The following PAK6 variants were observed in gnomAD, a reference collection of about 807,000 sequenced individuals.
PAK6 encodes p21 (RAC1) activated kinase 6.
Under a neutral mutation model 60.8 loss-of-function variants are expected in PAK6, and 33 were observed. That is an observed-to-expected ratio of 0.54 (90% CI 0.41 to 0.73). The LOEUF is 0.73. PAK6 is among the 30% of genes least tolerant of loss of function. The probability of loss-of-function intolerance (pLI) is 0.00; values close to 1 mark genes in which losing one functional copy is unlikely to be tolerated. For missense variants in PAK6, 845 were observed against 904.1 expected, an observed-to-expected ratio of 0.93 and a Z score of 0.84; for synonymous variants, 404 against 378.5, an observed-to-expected ratio of 1.07 and a Z score of -0.78.
chr15:40,249,122 A>G (rs2038585963), intron 2 of PAK6, among the ~76,000 whole-genome samples: 1 of 152,166 alleles, frequency 6.6e-6, no homozygotes. Flanking sequence ...TCTTTTTGCT[A>G]TAACCTCACA....
intron 5 of PAK6, chr15:40,266,901 C>T (rs181956338): frequency 2.3e-3 from 405 of 175,634 alleles, no homozygotes; most frequent in Non-Finnish European, 2.6e-3. Context: ...CAGAGTGGAG[C>T]GCACCTTTTT....
At chr15:40,241,940 G>A (rs2038362524) in intron 2 of PAK6, among the ~76,000 whole-genome samples, 2 of 152,252 alleles carry the variant, frequency 1.3e-5, no homozygotes, top group Admixed American at 1.3e-4. Context: ...TGACCCAGCT[G>A]TGGGGGTATC....
intron 3 of PAK6, among the ~76,000 whole-genome samples, chr15:40,257,767 T>TC (rs1380215201): frequency 6.6e-6 from 1 of 152,020 alleles, no homozygotes; most frequent in Admixed American, 6.5e-5. Context: ...CATGGATGTC[T>TC]CCTCTCCAGG....
chr15:40,271,083 G>A (rs1182240865), intron 5 of PAK6, among the ~76,000 whole-genome samples: 2 of 152,178 alleles, frequency 1.3e-5, no homozygotes, highest in Non-Finnish European at 2.9e-5. Flanking sequence ...TAAGACAATG[G>A]CTTACATGAT....
At chr15:40,273,239 TG>T in intron 7 of PAK6, 106 bp from the exon 8 acceptor site, 1 of 1,363,142 alleles carries the variant, frequency 7.3e-7, no homozygotes, top group Non-Finnish European at 1.0e-6. Flanking sequence ...ACAGATTGCC[TG>T]GGAGCTGTGG....
At chr15:40,277,462 T>G (rs1023781042) in exon 11 of PAK6, 5 of 152,502 alleles carry the variant, frequency 3.3e-5, no homozygotes, top group African/African-American at 1.2e-4. Context: ...GTGCCTGTTT[T>G]AAATTAAATT....
At chr15:40,248,132 C>T (rs972059572) in intron 2 of PAK6, among the ~76,000 whole-genome samples, 49 of 152,312 alleles carry the variant, frequency 3.2e-4, no homozygotes, top group African/African-American at 7.2e-4. Context: ...GGCTCCCGTC[C>T]GCAGGACTCC....
intron 2 of PAK6, among the ~76,000 whole-genome samples, chr15:40,247,783 C>T (rs16970462): frequency 0.02 from 3,041 of 152,202 alleles, 95 homozygotes; most frequent in African/African-American, 0.064. Flanking sequence ...TTCCGGAACC[C>T]GGGGTGAACA....
At chr15:40,252,160 G>T in intron 2 of PAK6, 2 of 682,638 alleles carry the variant, frequency 2.9e-6, no homozygotes, top group Non-Finnish European at 4.1e-6. Context: ...TCCGACTCCC[G>T]CGTGGGCTCT....
At chr15:40,255,038 GA>G (rs2038797548) in intron 3 of PAK6, among the ~76,000 whole-genome samples, 1 of 152,122 alleles carries the variant, frequency 6.6e-6, no homozygotes, top group South Asian at 2.1e-4. Context: ...AAGAGCTGTA[GA>G]AAAAAAGGCA....
At chr15:40,273,097 G>C in intron 7 of PAK6, 98 bp downstream of exon 7, 1 of 1,485,072 alleles carries the variant, frequency 6.7e-7, no homozygotes, top group East Asian at 2.3e-5. Context: ...GAAGACTTGG[G>C]ATGCCTGGGC....
chr15:40,248,444 C>T (rs1331104540), intron 2 of PAK6, among the ~76,000 whole-genome samples: 1 of 152,206 alleles, frequency 6.6e-6, no homozygotes, highest in Non-Finnish European at 1.5e-5. Context: ...CCCAGCTCCA[C>T]AGGGCTCCTC....
At chr15:40,257,721 A>G (rs2038876106) in intron 3 of PAK6, among the ~76,000 whole-genome samples, 2 of 152,068 alleles carry the variant, frequency 1.3e-5, no homozygotes. Flanking sequence ...TGGGGCCCTG[A>G]TGGCTCTGGT....
chr15:40,242,012 CA>C (rs944094785), intron 2 of PAK6, among the ~76,000 whole-genome samples: 1 of 149,818 alleles, frequency 6.7e-6, no homozygotes. Flanking sequence ...CAGAGCTGAG[CA>C]GGGGCTGCTG....
chr15:40,275,912 G>A lies in PAK6; in HGVS notation c.1879-15G>A. The A allele has an allele frequency of 6.2e-7, 1 of 1,601,536 alleles. No homozygotes were observed. The highest frequency in any genetic ancestry group is 8.5e-7 in the Non-Finnish European group (1 of 1,172,544). ...CTGCAAATTGTGGCTTCATCTTACT[G>A]CCCTGCCTCTACAGGTCTCCCCAGT... On this transcript the variant is annotated splice_polypyrimidine_tract_variant and intron_variant, in intron 10 of 10. Transcript: ENST00000560346.
In PAK6 at chr15:40,240,562, CTTTTT is replaced by C. The variant is rs10624794; in HGVS notation, c.-200-20_-200-16del. 187 of 321,524 alleles carry C rather than the reference CTTTTT, an allele frequency of 5.8e-4. 1 individual carries two copies. The highest frequency in any genetic ancestry group is 1.8e-3 in the Admixed American group (40 of 22,372). 19.9% of individuals were successfully genotyped at this position (321,524 alleles called of 1,614,324 possible). A position where few individuals can be genotyped will look rare whatever the true frequency, so the allele number is the denominator to read the frequency against. ...AGAAAAGCACTGAGGTTTTCTTTTC[CTTTTT>C]TTTTTTTTTTTTTTTTCTATTTTGC... On this transcript the variant is annotated intron_variant, in intron 1 of 10. Transcript: ENST00000560346.
chr15:40,242,152 G>C (rs2038370698), intron 2 of PAK6, among the ~76,000 whole-genome samples: 1 of 152,098 alleles, frequency 6.6e-6, no homozygotes, highest in Non-Finnish European at 1.5e-5. Context: ...AAAGGAAAAG[G>C]CTGCCTGGGG....
At chr15:40,267,215 C>T (rs2039167277) in intron 5 of PAK6, among the ~76,000 whole-genome samples, 1 of 152,074 alleles carries the variant, frequency 6.6e-6, no homozygotes, top group Non-Finnish European at 1.5e-5. Flanking sequence ...GGAGCCTCCC[C>T]TCCCTCCTGG....
intron 1 of PAK6, 36 bp from the exon 2 acceptor site, chr15:40,240,561 CCT>C (rs1491273750): frequency 9.3e-4 from 271 of 291,598 alleles, no homozygotes; most frequent in South Asian, 5.7e-3. Context: ...GTTTTCTTTT[CCT>C]TTTTTTTTTT....
Sources: gnomAD v4.1 joint callset for allele counts (sites outside exome capture counted in the v4.1 genomes callset) on GRCh38, gnomAD v4.1.1 for gene constraint, MANE v1.5 for transcripts, NCBI Gene and HGNC (gene_info 2026-07-23, HGNC 2026-07-21) for gene names.